The following PCNT variants were observed in gnomAD, a reference collection of about 807,000 sequenced individuals.
The protein encoded by PCNT is pericentrin.
A neutral mutation model predicts 380.4 loss-of-function variants in PCNT; 319 were observed. That is an observed-to-expected ratio of 0.84 (90% confidence interval 0.77 to 0.92). The LOEUF is 0.92. PCNT is among the 40% of genes least tolerant of loss of function. The pLI, the probability that PCNT is intolerant of heterozygous loss-of-function variation, is 0.00. For missense variants in PCNT, 4,400 were observed against 4,255.3 expected (o/e 1.03, Z -0.95); for synonymous variants, 1,845 against 1,735.2 (o/e 1.06, Z -1.57).
intron 3 of PCNT, among the ~76,000 whole-genome samples, chr21:46,337,773 G>A (rs1288011224): frequency 1.3e-5 from 2 of 151,420 alleles, no homozygotes; most frequent in Admixed American, 6.6e-5. Flanking sequence ...GTAGAGATGG[G>A]GTTTCACCAT....
chr21:46,416,792 G>A lies in PCNT; in HGVS notation c.6874G>A (p.Ala2292Thr). 6.2e-7 allele frequency: 1 copy of A among 1,601,222 alleles called. No individual in the cohort carries two copies. ...VSAAALALQW[A>T]ESPPADDHHV... Reference sequence around the variant, plus strand: ...TGCAGCAGCGCTGGCACTGCAGTGGGCCGAGTCTCCGCCGGCTGACGACCA... The same window carrying A: ...TGCAGCAGCGCTGGCACTGCAGTGGACCGAGTCTCCGCCGGCTGACGACCA... The change falls in exon 30 of 47, where the codon GCC (alanine) becomes ACC (threonine). Residue 2292 changes from alanine (A) to threonine (T), a missense_variant. Transcript: ENST00000359568.
In PCNT at chr21:46,425,781, G is replaced by T; in HGVS notation, c.7180-50G>T. 1.9e-6 allele frequency: 3 copies of T among 1,610,636 alleles called. No individual in the cohort carries two copies. Among genetic ancestry groups the T allele is most frequent in the Non-Finnish European group, 2.5e-6 (3 of 1,179,644 alleles). ...GGGGCCGCAGGTGGTGTAGAGCGTGGCTGTGTGGGGTGGCAGGCAACTCCC... is the reference window on the plus strand; with the variant it reads ...GGGGCCGCAGGTGGTGTAGAGCGTGTCTGTGTGGGGTGGCAGGCAACTCCC... On this transcript the variant is annotated intron_variant, in intron 32 of 46. Coordinates refer to ENST00000359568, the MANE Select transcript of PCNT (RefSeq NM_006031.6). The surrounding 1 kb of genome is among the most constrained non-coding windows in gnomAD (Gnocchi z 4.2).
At position 46,425,322 on chromosome 21, in the gene PCNT, G is replaced by T. The variant is rs372845618; in HGVS notation, c.7180-509G>T. 6.6e-6 allele frequency among the ~76,000 whole-genome samples: 1 copy of T among 152,234 alleles called. No homozygotes were observed. Among genetic ancestry groups the T allele is most frequent in the Non-Finnish European group, 1.5e-5 (1 of 68,032 alleles). On this transcript the variant is annotated intron_variant, in intron 32 of 46. Transcript: ENST00000359568. This position sits in a 1 kb window ranked among gnomAD's most constrained non-coding sequence, Gnocchi z 4.2. Reference sequence around the variant, plus strand: ...CTGGGGATGGTTTTCTCTGCTCCCCGTGCCCAGCACAGGCAGCTTCACCCC... The same window carrying T: ...CTGGGGATGGTTTTCTCTGCTCCCCTTGCCCAGCACAGGCAGCTTCACCCC...
chr21:46,411,433 C>A lies in PCNT; in HGVS notation c.5360C>A (p.Ala1787Asp). ...CAGGCCGGGGGCCCTCGTGGGCAGG[C>A]CCTACAGGGCGAGCTCGAGGCTGCG... ...CSQAGGPRGQ[A>D]LQGELEAALE... The change falls in exon 28 of 47, where the codon GCC (alanine) becomes GAC (aspartate). Residue 1787 changes from alanine to aspartate, a missense_variant. Coordinates refer to ENST00000359568, the MANE Select transcript of PCNT (RefSeq NM_006031.6). 1 of 1,612,314 alleles carries A rather than the reference C, an allele frequency of 6.2e-7. No individual in the cohort carries two copies. The highest frequency in any genetic ancestry group is 8.5e-7 in the Non-Finnish European group (1 of 1,179,710).
At chr21:46,344,554 G>T (rs2084006093) in intron 3 of PCNT, among the ~76,000 whole-genome samples, 2 of 152,198 alleles carry the variant, frequency 1.3e-5, no homozygotes, top group Non-Finnish European at 2.9e-5. Context: ...TCCCTAGCCA[G>T]TTCCCCAGTT....
intron 27 of PCNT, among the ~76,000 whole-genome samples, chr21:46,410,964 G>A (rs1569267578): frequency 2.0e-5 from 3 of 152,292 alleles, no homozygotes; most frequent in East Asian, 1.9e-4. Context: ...TTAGAGCTTC[G>A]TCCCACGATC....
In PCNT at chr21:46,381,714, G is replaced by A. The variant is rs1316884737; in HGVS notation, c.3186G>A (p.Lys1062=). The change falls in exon 16 of 47, where the codon AAG becomes AAA. Residue 1062 remains lysine, a synonymous_variant. Coordinates refer to ENST00000359568, the MANE Select transcript of PCNT (RefSeq NM_006031.6). ...GVHQGEFGSE[K]KTALHEKEET... is the part of the protein sequence containing the mutation. ...TACAGGGTGAATTTGGAAGTGAAAA[G>A]AAAACTGCTTTGCATGAAAAAGAGG... 1.2e-6 allele frequency: 2 copies of A among 1,614,074 alleles called. No individual in the cohort carries two copies. The highest frequency in any genetic ancestry group is 2.2e-5 in the South Asian group (2 of 91,080).
At chr21:46,422,212 G>C in intron 32 of PCNT, 88 bp downstream of exon 32, 2 of 1,504,284 alleles carry the variant, frequency 1.3e-6, no homozygotes, top group Non-Finnish European at 1.8e-6. Context: ...GCCGGGGAGA[G>C]CCTTGGAGGG....
chr21:46,441,131 G>C, intron 43 of PCNT, 47 bp downstream of exon 43: 1 of 1,158,092 alleles, frequency 8.6e-7, no homozygotes, highest in Non-Finnish European at 1.3e-6. Flanking sequence ...CTGTCTCCGT[G>C]AGTGGGCAGC....
At chr21:46,396,893 C>T (rs1301193742) in intron 21 of PCNT, among the ~76,000 whole-genome samples, 1 of 152,092 alleles carries the variant, frequency 6.6e-6, no homozygotes, top group Admixed American at 6.5e-5. Context: ...GTGAACCACC[C>T]CACCCGACCT....
chr21:46,429,626 C>T lies in PCNT; in HGVS notation c.7691-384C>T, dbSNP rs536428797. On this transcript the variant is annotated intron_variant, in intron 35 of 46. Coordinates refer to ENST00000359568, the MANE Select transcript of PCNT (RefSeq NM_006031.6). ...TTTGGGAAGTAGCCCCTCCGCCCTC[C>T]GTTGTCTAGAATTGGGGTTATTTCT... 3.9e-5 allele frequency among the ~76,000 whole-genome samples: 6 copies of T among 152,300 alleles called. No homozygotes were observed. In the East Asian group the frequency reaches 9.7e-4, roughly 25 times the overall value.
intron 32 of PCNT, among the ~76,000 whole-genome samples, chr21:46,423,829 A>AG (rs2087373128): frequency 2.3e-4 from 1 of 4,366 alleles, no homozygotes; most frequent in Non-Finnish European, 5.0e-4. Flanking sequence ...GAGGAGGGGG[A>AG]GGGGGAGGGG....
In PCNT at chr21:46,388,009, G is replaced by A. The variant is rs1286667443; in HGVS notation, c.3465-733G>A. Among the ~76,000 whole-genome samples, 2 of 152,036 alleles carry A rather than the reference G, an allele frequency of 1.3e-5. No homozygotes were observed. Among genetic ancestry groups the A allele is most frequent in the African/African-American group, 4.8e-5 (2 of 41,402 alleles). The stretch of plus-strand genomic sequence containing the variant: ...GTGGATCATGAGGTCAGGAGATCGA[G>A]ACCATCCTGGCTAACATGGTGAAAC... On this transcript the variant is annotated intron_variant, in intron 17 of 46. Coordinates refer to ENST00000359568, the MANE Select transcript of PCNT (RefSeq NM_006031.6). This position sits in a 1 kb window ranked among gnomAD's most constrained non-coding sequence, Gnocchi z 4.2.
In PCNT at chr21:46,388,707, C is replaced by G. The variant is rs1458293454; in HGVS notation, c.3465-35C>G. 6.2e-7 allele frequency: 1 copy of G among 1,612,280 alleles called. No individual in the cohort carries two copies. The highest frequency in any genetic ancestry group is 8.5e-7 in the Non-Finnish European group (1 of 1,179,932). On this transcript the variant is annotated intron_variant, in intron 17 of 46. Coordinates refer to ENST00000359568, the MANE Select transcript of PCNT (RefSeq NM_006031.6). This position sits in a 1 kb window ranked among gnomAD's most constrained non-coding sequence, Gnocchi z 4.2. ...CAGGGTGGGGGTTCTTATGCCGTGACCAGCTTGCCTGATGATGGGTGTCTC... is the reference window on the plus strand; with the variant it reads ...CAGGGTGGGGGTTCTTATGCCGTGAGCAGCTTGCCTGATGATGGGTGTCTC...
At chr21:46,353,810 T>C (rs2084371239) in intron 10 of PCNT, among the ~76,000 whole-genome samples, 177 bp from the exon 11 acceptor site, 1 of 152,022 alleles carries the variant, frequency 6.6e-6, no homozygotes, top group East Asian at 1.9e-4. Context: ...TGCATGTCCC[T>C]GTGCCGTGTC....
intron 38 of PCNT, among the ~76,000 whole-genome samples, chr21:46,434,984 A>ATT (rs61403998): frequency 0.18 from 26,727 of 152,032 alleles, 4,314 homozygotes; most frequent in African/African-American, 0.43. Flanking sequence ...TGATAGTTTT[A>ATT]AAAACTACGA....
At chr21:46,355,358 CT>C in intron 11 of PCNT, 93 bp from the exon 12 acceptor site, 2 of 1,352,504 alleles carry the variant, frequency 1.5e-6, no homozygotes, top group Non-Finnish European at 2.1e-6. Flanking sequence ...TTTGAGTTTT[CT>C]TTGTGCATAG....
At chr21:46,371,060 A>T (rs1431988496) in intron 15 of PCNT, among the ~76,000 whole-genome samples, 1 of 151,820 alleles carries the variant, frequency 6.6e-6, no homozygotes, top group Non-Finnish European at 1.5e-5. Context: ...GAAAATAAAA[A>T]TAATAAATAA....
In PCNT at chr21:46,346,830, C is replaced by CAGAAGG; in HGVS notation, c.818_823dup (p.Lys273_Glu274dup). 1 of 1,607,148 alleles carries CAGAAGG rather than the reference C, an allele frequency of 6.2e-7. No homozygotes were observed. The highest frequency in any genetic ancestry group is 1.3e-5 in the African/African-American group (1 of 75,002). On this transcript the variant is annotated inframe_insertion, in exon 5 of 47. Transcript: ENST00000359568. ...GCTGGAGCTGACACAGGCCAACCTC[C>CAGAAGG]AGAAGGAGAAGGAGACGGCATTGAC...
Sources: gnomAD v4.1 joint callset for allele counts (sites outside exome capture counted in the v4.1 genomes callset) on GRCh38, gnomAD v4.1.1 for gene constraint, Gnocchi (gnomAD v3.1) non-coding constraint, MANE v1.5 for transcripts, NCBI Gene and HGNC (gene_info 2026-07-23, HGNC 2026-07-21) for gene names.